The following SLBP variants were observed in gnomAD, a reference collection of about 807,000 sequenced individuals.
SLBP encodes stem-loop histone mRNA binding protein, also known as histone RNA hairpin-binding protein.
A neutral mutation model predicts 39.2 loss-of-function variants in SLBP; 29 were observed. The observed-to-expected ratio is 0.74, with a 90% CI of 0.55 to 1.01. The LOEUF (loss-of-function observed/expected upper bound fraction) is 1.01, where lower values mean the gene tolerates loss of function less well. Among genes scored for constraint, SLBP ranks in the 50% least tolerant of loss-of-function variants. SLBP has a pLI of 0.00. For synonymous variants in SLBP, 129 were observed against 118.7 expected, an observed-to-expected ratio of 1.09 and a Z score of -0.57; for missense variants, 390 against 350.2, an observed-to-expected ratio of 1.11 and a Z score of -0.91.
At chr4:1,696,853 T>G (rs1716124365) in intron 5 of SLBP, among the ~76,000 whole-genome samples, 1 of 147,902 alleles carries the variant, frequency 6.8e-6, no homozygotes, top group Non-Finnish European at 1.5e-5. Flanking sequence ...GCCGAGATCG[T>G]GCCACTGCAC....
At chr4:1,711,672 G>A (rs1716777538) in intron 2 of SLBP, among the ~76,000 whole-genome samples, 1 of 152,244 alleles carries the variant, frequency 6.6e-6, no homozygotes, top group Admixed American at 6.5e-5. Context: ...CTCCCATCCT[G>A]GCAAGAGGCT....
chr4:1,708,239 T>G lies in SLBP; in HGVS notation c.176+3635A>C, dbSNP rs117563745. 1.6e-3 allele frequency among the ~76,000 whole-genome samples: 238 copies of G among 152,294 alleles called. 5 individuals carry two copies. The East Asian group carries it at 0.039, about 25-fold the overall frequency. ...TGAACTCCAGCCTGGTTGACAGTTA[T>G]GCCCCGTCACAAAAAAATACACTAG... On this transcript the variant is annotated intron_variant, in intron 2 of 7. Coordinates refer to ENST00000489418, the MANE Select transcript of SLBP (RefSeq NM_006527.4).
rs530627466 is a variant in SLBP, at chr4:1,711,622, A to T, written c.176+252T>A. On this transcript the variant is annotated intron_variant, in intron 2 of 7. Transcript: ENST00000489418. ...GACCTCTCCCGGGAGCACAACACAGACTCGAACTGGCTAACTCGGGCTGAC... is the reference window on the plus strand; with the variant it reads ...GACCTCTCCCGGGAGCACAACACAGTCTCGAACTGGCTAACTCGGGCTGAC... Among the ~76,000 whole-genome samples the T allele has an allele frequency of 7.2e-5, 11 of 152,188 alleles. No individual in the cohort carries two copies. The East Asian group carries it at 2.1e-3, about 29-fold the overall frequency.
chr4:1,701,988 T>G (rs1716346253), intron 3 of SLBP, among the ~76,000 whole-genome samples: 1 of 152,166 alleles, frequency 6.6e-6, no homozygotes, highest in Non-Finnish European at 1.5e-5. Context: ...CAGTGCTGTT[T>G]TCCAAAACAG....
Position 1,712,115 on chromosome 4 carries a change from G to T in SLBP, c.59+15C>A. The T allele has an allele frequency of 8.2e-7, 1 of 1,226,578 alleles. No homozygotes were observed. The highest frequency in any genetic ancestry group is 1.0e-6 in the Non-Finnish European group (1 of 984,794). 76.0% of individuals were successfully genotyped at this position (1,226,578 alleles called of 1,614,324 possible). The stretch of plus-strand genomic sequence containing the variant: ...GGGCACGCGCTCCCTCGCCCGCCGC[G>T]CAGCCCGGCCTCACCTGGCGTCACC... On this transcript the variant is annotated intron_variant, in intron 1 of 7. Transcript: ENST00000489418.
intron 3 of SLBP, among the ~76,000 whole-genome samples, 186 bp downstream of exon 3, chr4:1,703,410 C>G (rs1665848631): frequency 1.3e-5 from 2 of 151,994 alleles, no homozygotes; most frequent in Admixed American, 1.3e-4. Flanking sequence ...TGGCCAGGCC[C>G]CACCCCATTC....
intron 2 of SLBP, among the ~76,000 whole-genome samples, chr4:1,711,214 C>A (rs1716755347): frequency 6.6e-6 from 1 of 151,916 alleles, no homozygotes; most frequent in Admixed American, 6.6e-5. Flanking sequence ...ACAGGTCCTG[C>A]CTTCAGAAGC....
intron 1 of SLBP, 45 bp from the exon 2 acceptor site, chr4:1,712,035 C>G (rs538686179): frequency 8.0e-7 from 1 of 1,247,946 alleles, no homozygotes; most frequent in Non-Finnish European, 1.0e-6. Flanking sequence ...GGTTCGGGAC[C>G]GCCTTACAAC....
intron 2 of SLBP, among the ~76,000 whole-genome samples, chr4:1,708,145 T>C (rs1483514898): frequency 6.6e-6 from 1 of 151,510 alleles, no homozygotes; most frequent in African/African-American, 2.4e-5. Flanking sequence ...CCCAGCTACT[T>C]GGAGGCTGAA....
chr4:1,699,753 T>C, intron 4 of SLBP, 52 bp from the exon 5 acceptor site: 2 of 1,554,764 alleles, frequency 1.3e-6, no homozygotes, highest in Non-Finnish European at 1.8e-6. Flanking sequence ...GATCACCATG[T>C]ATGTAAGGTA....
intron 3 of SLBP, among the ~76,000 whole-genome samples, chr4:1,700,992 G>C (rs559445415): frequency 1.6e-4 from 24 of 152,136 alleles, no homozygotes; most frequent in African/African-American, 5.3e-4. Context: ...TTTATCTCCC[G>C]TGCATCTAGA....
intron 5 of SLBP, among the ~76,000 whole-genome samples, chr4:1,697,330 G>A (rs1373388920): frequency 1.3e-5 from 2 of 151,426 alleles, no homozygotes; most frequent in Non-Finnish European, 2.9e-5. Context: ...CTAGCCAGGC[G>A]TGGTGGTAGA....
chr4:1,705,149 A>C (rs925495110), intron 2 of SLBP, among the ~76,000 whole-genome samples: 1 of 151,980 alleles, frequency 6.6e-6, no homozygotes, highest in African/African-American at 2.4e-5. Context: ...CTGGTCTCGA[A>C]CTCCTGACCT....
At chr4:1,699,417 C>CA (rs1716241070) in intron 5 of SLBP, 147 bp downstream of exon 5, 1 of 591,120 alleles carries the variant, frequency 1.7e-6, no homozygotes, top group African/African-American at 1.8e-5. Flanking sequence ...TCTTTATTTA[C>CA]GTCATAAGCC....
At chr4:1,709,254 G>C (rs1299608310) in intron 2 of SLBP, among the ~76,000 whole-genome samples, 1 of 151,982 alleles carries the variant, frequency 6.6e-6, no homozygotes, top group Non-Finnish European at 1.5e-5. Flanking sequence ...GTAGAGATGG[G>C]GTGTTGGGAA....
chr4:1,709,184 C>T (rs563939068), intron 2 of SLBP, among the ~76,000 whole-genome samples: 1 of 152,282 alleles, frequency 6.6e-6, no homozygotes, highest in African/African-American at 2.4e-5. Context: ...CTGCCTCAAC[C>T]TCCCGAGTAG....
intron 2 of SLBP, among the ~76,000 whole-genome samples, chr4:1,706,294 A>C (rs1337034572): frequency 4.6e-5 from 7 of 152,130 alleles, no homozygotes; most frequent in Non-Finnish European, 8.8e-5. Context: ...AAATAAATAA[A>C]ATACAGAATA....
At chr4:1,708,498 A>AT (rs1235741193) in intron 2 of SLBP, among the ~76,000 whole-genome samples, 2 of 152,352 alleles carry the variant, frequency 1.3e-5, no homozygotes, top group African/African-American at 4.8e-5. Flanking sequence ...TGAAAATTAA[A>AT]TTGACTCAAT....
At chr4:1,711,835 G>T in intron 2 of SLBP, 39 bp downstream of exon 2, 4 of 1,151,792 alleles carry the variant, frequency 3.5e-6, no homozygotes, top group South Asian at 4.9e-5. Flanking sequence ...GCCTCGTCAA[G>T]GGCCCCACCG....
Sources: allele counts gnomAD v4.1 joint callset (sites outside exome capture counted in the v4.1 genomes callset), GRCh38; gene constraint gnomAD v4.1.1; transcripts MANE v1.5; gene names NCBI Gene and HGNC (gene_info 2026-07-23, HGNC 2026-07-21).